The following DENND5A variants were observed in gnomAD, a reference collection of about 807,000 sequenced individuals.
DENND5A encodes DENN domain-containing protein 5A.
In DENND5A, 64 loss-of-function variants were observed where a neutral mutation model predicts 140.3. That is an observed-to-expected ratio of 0.46 (90% confidence interval 0.37 to 0.56). The LOEUF is 0.56. Ranked by LOEUF, DENND5A falls within the 20% of genes least tolerant of loss-of-function variation. The pLI is 0.00. For missense variants in DENND5A, 1,292 were observed against 1,593.8 expected (o/e 0.81, Z 3.22); for synonymous variants, 605 against 607.7 (o/e 1.00, Z 0.07).
In DENND5A at chr11:9,142,757, C is replaced by T. The variant is rs200559278; in HGVS notation, c.3476G>A (p.Arg1159Gln). The T allele has an allele frequency of 1.9e-5, 31 of 1,613,982 alleles. No individual in the cohort carries two copies. Among genetic ancestry groups the T allele is most frequent in the African/African-American group, 2.7e-5 (2 of 74,896 alleles). ...CCAAATGAAGACATTTTTGAAGAGC[C>T]GGGGCGATTTAAATCCATGCTGGAA... Reference protein sequence around the residue: ...QAFQHGFKSPRLFKNVFIWDF... With the variant: ...QAFQHGFKSPQLFKNVFIWDF... The change falls in exon 21 of 23, where the codon CGG becomes CAG. Residue 1159 changes from arginine to glutamine, a missense_variant. By Grantham distance (43) the Arg-to-Gln change is conservative. Transcript: ENST00000328194.
chr11:9,241,787 G>A (rs918583704), intron 1 of DENND5A, among the ~76,000 whole-genome samples: 1 of 152,098 alleles, frequency 6.6e-6, no homozygotes, highest in African/African-American at 2.4e-5. Context: ...GGCCAAGGCG[G>A]GCGGATCACC....
At chr11:9,179,626 A>C (rs1848660723) in intron 6 of DENND5A, among the ~76,000 whole-genome samples, 1 of 149,994 alleles carries the variant, frequency 6.7e-6, no homozygotes, top group South Asian at 2.1e-4. Flanking sequence ...CACCCTCCCC[A>C]GTAGCTGGGA....
At chr11:9,153,497 TAA>T (rs1039730464) in intron 12 of DENND5A, among the ~76,000 whole-genome samples, 2 of 152,136 alleles carry the variant, frequency 1.3e-5, no homozygotes, top group African/African-American at 4.8e-5. Context: ...CTAAAATATT[TAA>T]AGTTATTCCT....
chr11:9,225,604 A>G (rs1850498421), intron 1 of DENND5A, among the ~76,000 whole-genome samples: 1 of 152,132 alleles, frequency 6.6e-6, no homozygotes, highest in Non-Finnish European at 1.5e-5. Flanking sequence ...TACTAAAAAT[A>G]CAAAAAAAAT....
chr11:9,264,960 C>T lies in DENND5A; in HGVS notation c.109+1G>A. The stretch of plus-strand genomic sequence containing the variant: ...GCGCCCCGGGCTCGGCGCGCACTCA[C>T]CCGACAGCTCGTCCGGCTCCAGCCC... On this transcript the variant is annotated splice_donor_variant, in intron 1 of 22. Transcript: ENST00000328194. LOFTEE classifies it high-confidence loss of function. 6.3e-7 allele frequency: 1 copy of T among 1,577,088 alleles called. No homozygotes were observed. The highest frequency in any genetic ancestry group is 1.8e-5 in the Admixed American group (1 of 56,712).
At chr11:9,179,601 G>A (rs1255925188) in intron 6 of DENND5A, among the ~76,000 whole-genome samples, 4 of 151,016 alleles carry the variant, frequency 2.6e-5, no homozygotes, top group Non-Finnish European at 5.9e-5. Flanking sequence ...CCAGGTTCAA[G>A]TGATTCTCCT....
At chr11:9,253,790 C>A (rs1050815475) in intron 1 of DENND5A, among the ~76,000 whole-genome samples, 1 of 151,822 alleles carries the variant, frequency 6.6e-6, no homozygotes, top group East Asian at 1.9e-4. Flanking sequence ...CACTTGAGCC[C>A]AGGAGGTCAA....
chr11:9,255,456 G>C (rs1023757379), intron 1 of DENND5A, among the ~76,000 whole-genome samples: 1 of 152,300 alleles, frequency 6.6e-6, no homozygotes, highest in Non-Finnish European at 1.5e-5. Context: ...GGGCAGCCAG[G>C]TGCGGTGGCT....
chr11:9,217,164 T>C (rs1216792715), intron 1 of DENND5A, among the ~76,000 whole-genome samples: 2 of 152,188 alleles, frequency 1.3e-5, no homozygotes, highest in East Asian at 3.8e-4. Flanking sequence ...ACAACACAGA[T>C]GAATCTTGAA....
In DENND5A at chr11:9,169,886, T is replaced by A; in HGVS notation, c.2121A>T (p.Glu707Asp). ...RRKDRQKQHT[E>D]HLRLDNDQRE... ...TCTGGTCATTATCTAAACGCAGGTGTTCTGTGTGCTGCTTCTGCCGATCTT... is the reference window on the plus strand; with the variant it reads ...TCTGGTCATTATCTAAACGCAGGTGATCTGTGTGCTGCTTCTGCCGATCTT... The change falls in exon 10 of 23, where the codon GAA becomes GAT. Residue 707 changes from glutamate to aspartate, a missense_variant. By Grantham distance (45) the Glu-to-Asp change is conservative. This residue lies in a region of DENND5A where 199 missense variants were observed against 189.1 expected (regional missense o/e 1.05). Transcript: ENST00000328194. 1 of 1,613,594 alleles carries A rather than the reference T, an allele frequency of 6.2e-7. No homozygotes were observed. Among genetic ancestry groups the A allele is most frequent in the Non-Finnish European group, 8.5e-7 (1 of 1,179,498 alleles).
At chr11:9,229,491 G>C (rs76693208) in intron 1 of DENND5A, among the ~76,000 whole-genome samples, 6 of 152,144 alleles carry the variant, frequency 3.9e-5, no homozygotes, top group African/African-American at 1.4e-4. Flanking sequence ...CCCAAAGCAA[G>C]TCATAGAAAC....
intron 12 of DENND5A, among the ~76,000 whole-genome samples, chr11:9,156,991 G>C (rs1847827336): frequency 6.6e-6 from 1 of 152,068 alleles, no homozygotes; most frequent in Non-Finnish European, 1.5e-5. Context: ...GTAGAACACA[G>C]ACTTAGAACA....
At chr11:9,254,111 G>A (rs113925842) in intron 1 of DENND5A, among the ~76,000 whole-genome samples, 24,330 of 145,204 alleles carry the variant, frequency 0.17, 2,231 homozygotes, top group Non-Finnish European at 0.21. Flanking sequence ...AGCCAAGATC[G>A]CACCATTGCA....
At chr11:9,242,278 G>A (rs1851269322) in intron 1 of DENND5A, among the ~76,000 whole-genome samples, 1 of 152,172 alleles carries the variant, frequency 6.6e-6, no homozygotes, top group South Asian at 2.1e-4. Flanking sequence ...AGAGCTGAAG[G>A]AGGGAATAAA....
intron 1 of DENND5A, among the ~76,000 whole-genome samples, chr11:9,222,438 A>C (rs1850351036): frequency 6.6e-6 from 1 of 152,210 alleles, no homozygotes; most frequent in Non-Finnish European, 1.5e-5. Flanking sequence ...TAGATCACTA[A>C]GTAGACTTAA....
intron 22 of DENND5A, chr11:9,140,101 C>T (rs1321719564): frequency 2.9e-6 from 4 of 1,374,598 alleles, no homozygotes; most frequent in Non-Finnish European, 3.9e-6. Context: ...GCCTCCCTCG[C>T]CCTGCCTAGT....
At chr11:9,161,946 T>C (rs990125956) in intron 11 of DENND5A, among the ~76,000 whole-genome samples, 1 of 147,322 alleles carries the variant, frequency 6.8e-6, no homozygotes, top group East Asian at 1.9e-4. Context: ...TATATATATA[T>C]TGTCCAAAAT....
chr11:9,180,783 C>T lies in DENND5A; in HGVS notation c.1439G>A (p.Gly480Glu). The stretch of plus-strand genomic sequence containing the variant: ...ACATCTTACCTTTTCCAGGCTCACC[C>T]CAGTTCTCTTGACCAAGGCTTGCAG... ...ARLQALVKRT[G>E]VSLEKLEVRE... The change falls in exon 6 of 23, where the codon GGG becomes GAG. Residue 480 changes from glycine (G) to glutamate (E), a missense_variant. Around this residue, in one of 4 missense-constraint regions of DENND5A, gnomAD observed 566 missense variants for 650.4 expected, o/e 0.87. Transcript: ENST00000328194. 6.2e-7 allele frequency: 1 copy of T among 1,614,116 alleles called. No individual in the cohort carries two copies. Among genetic ancestry groups the T allele is most frequent in the Non-Finnish European group, 8.5e-7 (1 of 1,179,974 alleles).
intron 1 of DENND5A, among the ~76,000 whole-genome samples, chr11:9,256,103 G>C (rs1408365079): frequency 4.0e-5 from 6 of 149,986 alleles, no homozygotes; most frequent in African/African-American, 1.5e-4. Context: ...AAAGAGAAAT[G>C]AAAACATAGG....
Sources: allele counts gnomAD v4.1 joint callset (sites outside exome capture counted in the v4.1 genomes callset), GRCh38; gene constraint gnomAD v4.1.1; regional missense constraint gnomAD v4.1.1; transcripts MANE v1.5; gene names NCBI Gene and HGNC (gene_info 2026-07-23, HGNC 2026-07-21).